Variants in RBM39 observed in about 807,000 individuals in gnomAD.
The protein encoded by RBM39 is RNA-binding protein 39.
In RBM39, 12 loss-of-function variants were observed where a neutral mutation model predicts 79.6. That is an observed-to-expected ratio of 0.15 (90% CI 0.10 to 0.24). The LOEUF (loss-of-function observed/expected upper bound fraction) is 0.24, where lower values mean the gene tolerates loss of function less well. Among genes scored for constraint, RBM39 ranks in the 10% least tolerant of loss-of-function variants. The probability of loss-of-function intolerance (pLI) is 1.00; values close to 1 mark genes in which losing one functional copy is unlikely to be tolerated. For missense variants in RBM39, 243 were observed against 653.4 expected (o/e 0.37, Z 6.85); for synonymous variants, 185 against 208.4 (o/e 0.89, Z 0.97).
chr20:35,722,927 C>T lies in RBM39; in HGVS notation c.688-1050G>A, dbSNP rs189196977. On this transcript the variant is annotated intron_variant, in intron 8 of 16. Coordinates refer to ENST00000253363, the MANE Select transcript of RBM39 (RefSeq NM_184234.3). ...ACAGCCTGGGCGACAGAGCGAGACT[C>T]CGTCTCAAGAGAAAAAAAAAAAAAA... 3.7e-3 allele frequency among the ~76,000 whole-genome samples: 538 copies of T among 147,230 alleles called. 1 individual carries two copies. The highest frequency in any genetic ancestry group is 5.3e-3 in the Admixed American group (79 of 14,828).
intron 12 of RBM39, 164 bp from the exon 13 acceptor site, chr20:35,709,438 C>A: frequency 1.8e-6 from 1 of 568,900 alleles, no homozygotes; most frequent in South Asian, 2.5e-5. Flanking sequence ...GCTTTGGGGC[C>A]TTTTTTCCCC....
chr20:35,730,246 A>G (rs1385890174), intron 4 of RBM39, among the ~76,000 whole-genome samples: 1 of 152,202 alleles, frequency 6.6e-6, no homozygotes, highest in African/African-American at 2.4e-5. Context: ...TCATAAAGGT[A>G]ATTATTCTGT....
intron 3 of RBM39, chr20:35,734,809 TA>T: frequency 7.2e-7 from 1 of 1,388,310 alleles, no homozygotes; most frequent in Non-Finnish European, 9.4e-7. Flanking sequence ...AAGAAACCAG[TA>T]TATTTCCAGC....
intron 6 of RBM39, among the ~76,000 whole-genome samples, chr20:35,728,281 A>G (rs542169223): frequency 6.6e-6 from 1 of 152,340 alleles, no homozygotes; most frequent in Non-Finnish European, 1.5e-5. Context: ...TCCAAAGTTA[A>G]GTGTAAAGTT....
At chr20:35,724,512 G>GC in intron 8 of RBM39, 58 bp downstream of exon 8, 1 of 1,557,648 alleles carries the variant, frequency 6.4e-7, no homozygotes, top group Non-Finnish European at 8.8e-7. Flanking sequence ...ACTATACCAT[G>GC]CAACAGGAGG....
intron 9 of RBM39, among the ~76,000 whole-genome samples, chr20:35,719,797 ATTC>A (rs1234487314): frequency 6.6e-6 from 1 of 152,130 alleles, no homozygotes; most frequent in Admixed American, 6.6e-5. Flanking sequence ...ATCCATGATT[ATTC>A]TTTTTCTTTT....
At chr20:35,720,197 G>A (rs1045465186) in intron 9 of RBM39, among the ~76,000 whole-genome samples, 4 of 152,124 alleles carry the variant, frequency 2.6e-5, no homozygotes, top group Admixed American at 2.6e-4. Context: ...CACAGTGACA[G>A]GACAGTCTTG....
intron 3 of RBM39, chr20:35,734,885 C>A: frequency 6.5e-7 from 1 of 1,537,136 alleles, no homozygotes; most frequent in East Asian, 2.3e-5. Flanking sequence ...TAGTCAAATC[C>A]TGTTACAACT....
rs1446339528 is a variant in RBM39 at position 35,706,578 on chromosome 20, A to T, written c.1307+542T>A. On this transcript the variant is annotated intron_variant, in intron 14 of 16. Coordinates refer to ENST00000253363, the MANE Select transcript of RBM39 (RefSeq NM_184234.3). ...TATGATTTATAAAACCAATGAGAAG[A>T]GTTAAAAAATAGCATTCTAATCACT... Among the ~76,000 whole-genome samples the T allele has an allele frequency of 5.3e-5, 8 of 152,312 alleles. No homozygotes were observed. In the South Asian group the frequency reaches 1.5e-3, roughly 28 times the overall value.
Position 35,702,224 on chromosome 20 carries a change from G to T in RBM39, c.*2257C>A, listed in dbSNP as rs996114249. 1 of 152,132 alleles carries T rather than the reference G, an allele frequency of 6.6e-6. No homozygotes were observed. The highest frequency in any genetic ancestry group is 1.5e-5 in the Non-Finnish European group (1 of 68,032). 9.4% of individuals were successfully genotyped at this position (152,132 alleles called of 1,614,324 possible). A position where few individuals can be genotyped will look rare whatever the true frequency, so the allele number is the denominator to read the frequency against. On this transcript the variant is annotated 3_prime_UTR_variant, in exon 17 of 17. Coordinates refer to ENST00000253363, the MANE Select transcript of RBM39 (RefSeq NM_184234.3). ...TTATAAAGATAAAAGAAAACTAGATGAACACTTTGGAACACTGACAGGCAG... is the reference window on the plus strand; with the variant it reads ...TTATAAAGATAAAAGAAAACTAGATTAACACTTTGGAACACTGACAGGCAG...
chr20:35,704,787 T>C (rs771041662), intron 15 of RBM39, 41 bp from the exon 16 acceptor site: 15 of 1,563,738 alleles, frequency 9.6e-6, no homozygotes, highest in Non-Finnish European at 1.3e-5. Flanking sequence ...TGTTGCTGTA[T>C]GCAAAATGGA....
chr20:35,716,023 CTAA>C (rs2037082230), intron 10 of RBM39, among the ~76,000 whole-genome samples: 1 of 152,120 alleles, frequency 6.6e-6, no homozygotes, highest in Admixed American at 6.6e-5. Context: ...CCTGCAGAAC[CTAA>C]TAAACCTATT....
chr20:35,734,768 C>T lies in RBM39; in HGVS notation c.102-2633G>A, dbSNP rs904086034. ...GACATTCAGAAAATACAATCTTTTG[C>T]ATAAAAGCCCAGAGAAAACTACAAG... is the stretch of plus-strand genomic sequence containing the variant. On this transcript the variant is annotated intron_variant, in intron 3 of 16. Coordinates refer to ENST00000253363, the MANE Select transcript of RBM39 (RefSeq NM_184234.3). 3.9e-6 allele frequency: 5 copies of T among 1,283,362 alleles called. No individual in the cohort carries two copies. In the East Asian group the frequency reaches 1.4e-4, roughly 37 times the overall value. 79.5% of individuals were successfully genotyped at this position (1,283,362 alleles called of 1,614,324 possible). A position where few individuals can be genotyped will look rare whatever the true frequency, so the allele number is the denominator to read the frequency against.
At chr20:35,729,094 A>C (rs1161529348) in intron 6 of RBM39, among the ~76,000 whole-genome samples, 1 of 151,984 alleles carries the variant, frequency 6.6e-6, no homozygotes, top group Non-Finnish European at 1.5e-5. Flanking sequence ...TAAATAAATA[A>C]ATAAATAAAT....
chr20:35,706,157 G>C (rs908246977), intron 14 of RBM39, among the ~76,000 whole-genome samples: 1 of 152,144 alleles, frequency 6.6e-6, no homozygotes, highest in South Asian at 2.1e-4. Flanking sequence ...TGGCCAACAC[G>C]GCAAAACCCT....
chr20:35,741,648 G>A (rs1010105823), intron 1 of RBM39: 5 of 152,316 alleles, frequency 3.3e-5, no homozygotes, highest in East Asian at 1.9e-4. Flanking sequence ...ATTGGGAGGG[G>A]TTATGAGCCA....
chr20:35,737,862 A>AG (rs1241048060), intron 3 of RBM39, among the ~76,000 whole-genome samples: 1 of 142,678 alleles, frequency 7.0e-6, no homozygotes, highest in Non-Finnish European at 1.5e-5. Flanking sequence ...AAAAAAAAAA[A>AG]AAAAAAAAAG....
chr20:35,731,705 ACT>A (rs2039385732), intron 4 of RBM39: 1 of 536,440 alleles, frequency 1.9e-6, no homozygotes. Flanking sequence ...CAATTTAGAA[ACT>A]CTGATAGTTT....
intron 2 of RBM39, chr20:35,739,933 C>G (rs920694557): frequency 1.2e-5 from 2 of 162,716 alleles, no homozygotes; most frequent in Non-Finnish European, 2.7e-5. Flanking sequence ...CAGTTTGTGA[C>G]ACCAGTGATA....
Sources: allele counts gnomAD v4.1 joint callset (sites outside exome capture counted in the v4.1 genomes callset), GRCh38; gene constraint gnomAD v4.1.1; transcripts MANE v1.5; gene names NCBI Gene and HGNC (gene_info 2026-07-23, HGNC 2026-07-21).